SH3BGRL: variants seen among roughly 807,000 people sequenced by gnomAD.
The protein encoded by SH3BGRL is adapter SH3BGRL.
In SH3BGRL, 7 loss-of-function variants were observed where a neutral mutation model predicts 9.8. The ratio of observed to expected loss-of-function variants is 0.72; its 90% CI spans 0.41 to 1.35. The LOEUF is 1.35. SH3BGRL is among the 40% of genes most tolerant of loss of function. The probability of loss-of-function intolerance (pLI) is 0.01; values close to 1 mark genes in which losing one functional copy is unlikely to be tolerated. For synonymous variants in SH3BGRL, 36 were observed against 29.1 expected, an observed-to-expected ratio of 1.24 and a Z score of -0.76; for missense variants, 73 against 84.4, an observed-to-expected ratio of 0.86 and a Z score of 0.53.
chrX:81,226,625 A>T (rs1232075124), intron 1 of SH3BGRL, among the ~76,000 whole-genome samples: 5 of 99,768 alleles, frequency 5.0e-5, no homozygotes, highest in Non-Finnish European at 8.2e-5. Context: ...TTTATATTTT[A>T]TTAATATTTA....
chrX:81,243,528 A>T (rs2075678260), intron 1 of SH3BGRL, among the ~76,000 whole-genome samples: 1 of 111,556 alleles, frequency 9.0e-6, no homozygotes, highest in Admixed American at 9.5e-5. Context: ...ATTTTAAAAT[A>T]ACTGAGTATA....
intron 1 of SH3BGRL, among the ~76,000 whole-genome samples, chrX:81,209,076 T>C (rs1213374000): frequency 9.6e-6 from 1 of 103,711 alleles, no homozygotes; most frequent in Non-Finnish European, 2.0e-5. Context: ...GGCATGATCT[T>C]GGCTCACTGC....
intron 1 of SH3BGRL, among the ~76,000 whole-genome samples, chrX:81,261,384 A>G: frequency 9.0e-6 from 1 of 111,265 alleles, no homozygotes; most frequent in Non-Finnish European, 1.9e-5. Context: ...GGTAGCTCTT[A>G]TTGATATGAA....
chrX:81,256,946 A>C (rs984858198), intron 1 of SH3BGRL, among the ~76,000 whole-genome samples: 15 of 111,324 alleles, frequency 1.3e-4, no homozygotes, highest in African/African-American at 4.6e-4. Flanking sequence ...TAATAGCTTG[A>C]GGGGAGGGAT....
In SH3BGRL at chrX:81,288,385, T is replaced by C. The variant is rs189669018; in HGVS notation, c.313-8810T>C. On this transcript the variant is annotated intron_variant, in intron 3 of 3. Transcript: ENST00000373212. ...TTCCTATAAGATATGGAGCACTACA[T>C]TGATGCCACTTTCACCACTGTTATT... Among the ~76,000 whole-genome samples the C allele has an allele frequency of 9.8e-5, 11 of 112,113 alleles. No homozygotes were observed. The East Asian group carries it at 3.1e-3, about 31-fold the overall frequency.
chrX:81,279,139 CCT>C (rs1311501904), intron 3 of SH3BGRL, among the ~76,000 whole-genome samples: 1 of 111,874 alleles, frequency 8.9e-6, no homozygotes, highest in Non-Finnish European at 1.9e-5. Context: ...ACTCCAATTC[CCT>C]CTCCTATTTT....
Position 81,277,036 on chromosome X carries a change from G to A in SH3BGRL, c.98G>A (p.Gly33Glu). The change falls in exon 2 of 4, where the codon GGA (glycine) becomes GAA (glutamate). Residue 33 changes from glycine (G) to glutamate (E), a missense_variant. Coordinates refer to ENST00000373212, the MANE Select transcript of SH3BGRL (RefSeq NM_003022.3). ...GGTTTCCTAGAAGCCAACAAAATAGGATTTGAAGAAAAAGATATTGCAGCC... is the reference window on the plus strand; with the variant it reads ...GGTTTCCTAGAAGCCAACAAAATAGAATTTGAAGAAAAAGATATTGCAGCC... The part of the protein sequence containing the change: ...VLGFLEANKI[G>E]FEEKDIAANE... 8.3e-7 allele frequency: 1 copy of A among 1,208,578 alleles called. No homozygotes were observed. Among genetic ancestry groups the A allele is most frequent in the Non-Finnish European group, 1.1e-6 (1 of 893,740 alleles).
intron 3 of SH3BGRL, among the ~76,000 whole-genome samples, chrX:81,287,358 A>T (rs2075838440): frequency 8.9e-6 from 1 of 112,033 alleles, no homozygotes; most frequent in Non-Finnish European, 1.9e-5. Context: ...ATGCCAATAA[A>T]TTGGAAATTC....
At chrX:81,293,154 T>G (rs2147723764) in intron 3 of SH3BGRL, among the ~76,000 whole-genome samples, 1 of 112,295 alleles carries the variant, frequency 8.9e-6, no homozygotes, top group Admixed American at 9.4e-5. Context: ...CTGATAGTTT[T>G]ATCAGAGGTT....
chrX:81,296,177 G>A (rs778744537), intron 3 of SH3BGRL, among the ~76,000 whole-genome samples: 1 of 110,497 alleles, frequency 9.1e-6, no homozygotes, highest in Non-Finnish European at 1.9e-5. Flanking sequence ...GAGAGGGAGA[G>A]GTGCTACACA....
intron 1 of SH3BGRL, among the ~76,000 whole-genome samples, chrX:81,275,673 A>C (rs1238513156): frequency 8.9e-6 from 1 of 112,419 alleles, no homozygotes; most frequent in African/African-American, 3.2e-5. Flanking sequence ...ATTAAAAAAC[A>C]GAATTCCCAT....
intron 1 of SH3BGRL, among the ~76,000 whole-genome samples, chrX:81,269,829 C>T (rs965051780): frequency 9.0e-6 from 1 of 111,334 alleles, no homozygotes; most frequent in African/African-American, 3.3e-5. Flanking sequence ...CTTGTTTCCA[C>T]TCTCCCCATC....
At chrX:81,234,521 T>C (rs1252441137) in intron 1 of SH3BGRL, among the ~76,000 whole-genome samples, 2 of 112,384 alleles carry the variant, frequency 1.8e-5, no homozygotes, top group African/African-American at 6.5e-5. Flanking sequence ...TACAGCAAAA[T>C]GTTCTCCATT....
At chrX:81,231,123 T>G (rs1332044441) in intron 1 of SH3BGRL, among the ~76,000 whole-genome samples, 1 of 112,331 alleles carries the variant, frequency 8.9e-6, no homozygotes, top group Non-Finnish European at 1.9e-5. Flanking sequence ...AATGTTCATG[T>G]AGAAATAGAT....
chrX:81,286,413 A>C (rs1387094629), intron 3 of SH3BGRL, among the ~76,000 whole-genome samples: 1 of 101,864 alleles, frequency 9.8e-6, no homozygotes. Flanking sequence ...TCCTATTTAT[A>C]CTGAATTCAT....
rs2075882361 is a variant in SH3BGRL, at chrX:81,298,258, T to C, written c.*1031T>C. 1 of 111,478 alleles carries C rather than the reference T, an allele frequency of 9.0e-6. No homozygotes were observed. The highest frequency in any genetic ancestry group is 3.2e-5 in the African/African-American group (1 of 30,814). 9.2% of individuals were successfully genotyped at this position (111,478 alleles called of 1,213,427 possible). A position where few individuals can be genotyped will look rare whatever the true frequency, so the allele number is the denominator to read the frequency against. The stretch of plus-strand genomic sequence containing the variant: ...TCTATGCCTCTATTCCAGCAAAAAG[T>C]AGAAGTATCAAATAAAAAGGGCAAC... On this transcript the variant is annotated 3_prime_UTR_variant, in exon 4 of 4. Coordinates refer to ENST00000373212, the MANE Select transcript of SH3BGRL (RefSeq NM_003022.3).
chrX:81,297,036 G>A (rs2075877487), intron 3 of SH3BGRL, among the ~76,000 whole-genome samples, 159 bp from the exon 4 acceptor site: 1 of 111,874 alleles, frequency 8.9e-6, no homozygotes, highest in African/African-American at 3.2e-5. Context: ...AAATCTGTTT[G>A]TATTATATAG....
At chrX:81,223,926 C>T (rs1395484132) in intron 1 of SH3BGRL, among the ~76,000 whole-genome samples, 1 of 111,233 alleles carries the variant, frequency 9.0e-6, no homozygotes, top group African/African-American at 3.3e-5. Context: ...CCTCAAGTGA[C>T]CCTCCAGTCT....
Position 81,237,272 on chromosome X carries a change from C to T in SH3BGRL, c.45+35027C>T, listed in dbSNP as rs1214227149. The T allele has an allele frequency of 1.8e-5, 6 of 333,626 alleles. No individual in the cohort carries two copies. The Admixed American group carries it at 1.9e-4, about 10-fold the overall frequency. 27.5% of individuals were successfully genotyped at this position (333,626 alleles called of 1,213,427 possible). On this transcript the variant is annotated intron_variant, in intron 1 of 3. Coordinates refer to ENST00000373212, the MANE Select transcript of SH3BGRL (RefSeq NM_003022.3). ...CACACACAAAACCTTTGTAAGAACTCAAAATCAGGTAAGTACTCATAGTAC... is the reference window on the plus strand; with the variant it reads ...CACACACAAAACCTTTGTAAGAACTTAAAATCAGGTAAGTACTCATAGTAC...
Sources: gnomAD v4.1 joint callset for allele counts (sites outside exome capture counted in the v4.1 genomes callset) on GRCh38, gnomAD v4.1.1 for gene constraint, MANE v1.5 for transcripts, NCBI Gene and HGNC (gene_info 2026-07-23, HGNC 2026-07-21) for gene names.